ZGRF1: variants seen among roughly 807,000 people sequenced by gnomAD.
ZGRF1 encodes 5'-3' DNA helicase ZGRF1.
In ZGRF1, 196 loss-of-function variants were observed where a neutral mutation model predicts 203.5. The ratio of observed to expected loss-of-function variants is 0.96; its 90% CI spans 0.86 to 1.08. ZGRF1 has a LOEUF of 1.08. Among genes scored for constraint, ZGRF1 ranks in the 50% least tolerant of loss-of-function variants. The pLI is 0.00. For missense variants in ZGRF1, 2,326 were observed against 2,416.3 expected (o/e 0.96, Z 0.78); for synonymous variants, 809 against 841.3 (o/e 0.96, Z 0.66).
chr4:112,607,915 T>G (rs1312344716), intron 8 of ZGRF1: 1 of 151,852 alleles, frequency 6.6e-6, no homozygotes, highest in African/African-American at 2.4e-5. Flanking sequence ...CACTCTAGTC[T>G]GGGTGACAGA....
intron 1 of ZGRF1, among the ~76,000 whole-genome samples, chr4:112,635,491 C>A (rs1023295032): frequency 6.6e-6 from 1 of 152,006 alleles, no homozygotes; most frequent in South Asian, 2.1e-4. Flanking sequence ...GTGTTGCAAT[C>A]ATAGCTCGCT....
At chr4:112,603,761 T>A in intron 9 of ZGRF1, 64 bp from the exon 10 acceptor site, 1 of 1,241,698 alleles carries the variant, frequency 8.1e-7, no homozygotes. Context: ...ATTCACAAAG[T>A]AAACACACAG....
chr4:112,553,467 G>A (rs1319683001), intron 22 of ZGRF1, among the ~76,000 whole-genome samples: 1 of 152,146 alleles, frequency 6.6e-6, no homozygotes, highest in Non-Finnish European at 1.5e-5. Context: ...TTTACTCAGG[G>A]TCAGATCCTC....
Position 112,548,399 on chromosome 4 carries a change from G to A in ZGRF1, c.5347-19C>T, listed in dbSNP as rs74327016. The A allele has an allele frequency of 1.8e-3, 2,764 of 1,531,436 alleles. 50 individuals carry two copies. In the Admixed American group the frequency reaches 0.037, roughly 20 times the overall value. 94.9% of individuals were successfully genotyped at this position (1,531,436 alleles called of 1,614,324 possible). A position where few individuals can be genotyped will look rare whatever the true frequency, so the allele number is the denominator to read the frequency against. The stretch of plus-strand genomic sequence containing the variant: ...CTCGAACCTTTATTACAACAAAAAT[G>A]TTATTAATTAACAATTATTAAAAGA... On this transcript the variant is annotated intron_variant, in intron 22 of 27. Transcript: ENST00000505019.
Position 112,562,469 on chromosome 4 carries a change from T to TA in ZGRF1, c.4598dup (p.Leu1533PhefsTer5), listed in dbSNP as rs750817034. ...GTTCTGTGCTAGCATTACAAACCAA[T>TA]AACGCATGGACAACCACTGTACAGA... On this transcript the variant is annotated frameshift_variant, in exon 18 of 28. Coordinates refer to ENST00000505019, the MANE Select transcript of ZGRF1 (RefSeq NM_018392.5). LOFTEE classifies it high-confidence loss of function. The TA allele has an allele frequency of 6.2e-7, 1 of 1,603,198 alleles. No homozygotes were observed. The highest frequency in any genetic ancestry group is 2.2e-5 in the East Asian group (1 of 44,738).
chr4:112,628,435 TA>T (rs1355644258), intron 3 of ZGRF1, among the ~76,000 whole-genome samples: 1 of 152,232 alleles, frequency 6.6e-6, no homozygotes, highest in East Asian at 1.9e-4. Flanking sequence ...TGCATCCACC[TA>T]TTTGACTTTT....
chr4:112,612,923 G>A (rs898069767), intron 6 of ZGRF1, among the ~76,000 whole-genome samples: 1 of 149,156 alleles, frequency 6.7e-6, no homozygotes, highest in Non-Finnish European at 1.5e-5. Context: ...TACTAAAAAT[G>A]CTAAAAATGA....
intron 26 of ZGRF1, among the ~76,000 whole-genome samples, chr4:112,540,593 G>A (rs904885581): frequency 4.0e-5 from 6 of 151,772 alleles, no homozygotes; most frequent in Admixed American, 6.6e-5. Context: ...CATTTTTGCC[G>A]CAACAGCTGT....
Position 112,589,866 on chromosome 4 carries a change from T to G in ZGRF1, c.2985A>C (p.Ser995=). 1 of 1,597,910 alleles carries G rather than the reference T, an allele frequency of 6.3e-7. No individual in the cohort carries two copies. Among genetic ancestry groups the G allele is most frequent in the Admixed American group, 1.8e-5 (1 of 55,856 alleles). The part of the protein sequence containing the change: ...CMQIDFLQVT[S]PEENISTLSP... ...TCAATGTAGAGATGTTTTCTTCTGG[T>G]GATGTCACCTATACAGAAAGAAGAA... The change falls in exon 11 of 28, where the codon TCA becomes TCC. Residue 995 remains serine (S), a synonymous_variant. Transcript: ENST00000505019.
chr4:112,625,066 T>G (rs1167914494), intron 3 of ZGRF1, among the ~76,000 whole-genome samples: 1 of 152,124 alleles, frequency 6.6e-6, no homozygotes, highest in African/African-American at 2.4e-5. Context: ...GATGCAAGGA[T>G]TATCTGAGAC....
intron 20 of ZGRF1, 25 bp from the exon 21 acceptor site, chr4:112,554,807 T>C (rs1327495139): frequency 8.1e-7 from 1 of 1,227,466 alleles, no homozygotes; most frequent in Admixed American, 2.1e-5. Context: ...ACAATATAGA[T>C]TCTGATTATT....
intron 4 of ZGRF1, among the ~76,000 whole-genome samples, chr4:112,622,783 G>A (rs1034424706): frequency 6.6e-6 from 1 of 152,050 alleles, no homozygotes; most frequent in Admixed American, 6.6e-5. Flanking sequence ...CTCTTTGAGA[G>A]GAAAAACACA....
chr4:112,547,933 TTC>T (rs796267888), intron 23 of ZGRF1, among the ~76,000 whole-genome samples: 6 of 152,248 alleles, frequency 3.9e-5, no homozygotes, highest in African/African-American at 1.4e-4. Flanking sequence ...AGTATTATTA[TTC>T]TTTTTCTTTT....
At chr4:112,543,356 T>C (rs965090447) in intron 24 of ZGRF1, among the ~76,000 whole-genome samples, 2 of 152,244 alleles carry the variant, frequency 1.3e-5, no homozygotes, top group African/African-American at 2.4e-5. Flanking sequence ...TTATGTGCTT[T>C]TGAAATTCTC....
intron 9 of ZGRF1, among the ~76,000 whole-genome samples, chr4:112,604,651 T>C (rs965936295): frequency 6.6e-6 from 1 of 152,208 alleles, no homozygotes; most frequent in Non-Finnish European, 1.5e-5. Flanking sequence ...GTGGACTCTC[T>C]GCCTCTCAGT....
Position 112,581,716 on chromosome 4 carries a change from G to T in ZGRF1, c.4385C>A (p.Thr1462Asn), listed in dbSNP as rs763180168. The T allele has an allele frequency of 1.6e-5, 26 of 1,581,584 alleles. No homozygotes were observed. The East Asian group carries it at 6.1e-4, about 37-fold the overall frequency. Reference sequence around the variant, plus strand: ...CCGACTTAGCTTAAGATAAAGTTTGGTTTTTGGTTCATTATAAAACTCAGG... The same window carrying T: ...CCGACTTAGCTTAAGATAAAGTTTGTTTTTTGGTTCATTATAAAACTCAGG... ...VNPEFYNEPK[T>N]KLYLKLSRKE... Residue 1462 changes from threonine to asparagine, a missense_variant, in exon 16 of 28, where the codon ACC becomes AAC. Coordinates refer to ENST00000505019, the MANE Select transcript of ZGRF1 (RefSeq NM_018392.5).
chr4:112,601,682 G>C (rs1750005470), intron 10 of ZGRF1, among the ~76,000 whole-genome samples: 2 of 151,498 alleles, frequency 1.3e-5, no homozygotes, highest in South Asian at 4.2e-4. Flanking sequence ...AGGCTGCAGT[G>C]AGCCATGTTC....
chr4:112,630,185 G>A (rs936210693), intron 3 of ZGRF1, among the ~76,000 whole-genome samples: 4 of 152,138 alleles, frequency 2.6e-5, no homozygotes, highest in African/African-American at 9.7e-5. Context: ...TTAATTTGCT[G>A]TTTTAACAAA....
chr4:112,564,532 AT>A (rs1309537289), intron 16 of ZGRF1, among the ~76,000 whole-genome samples: 17 of 152,362 alleles, frequency 1.1e-4, no homozygotes, highest in African/African-American at 4.1e-4. Flanking sequence ...AAGACTGAAT[AT>A]ATCTAGTAAT....
Sources: gnomAD v4.1 joint callset for allele counts (sites outside exome capture counted in the v4.1 genomes callset) on GRCh38, gnomAD v4.1.1 for gene constraint, MANE v1.5 for transcripts, NCBI Gene and HGNC (gene_info 2026-07-23, HGNC 2026-07-21) for gene names.